BIRC6: variants seen among roughly 807,000 people sequenced by gnomAD.
BIRC6 encodes the protein dual E2 ubiquitin-conjugating enzyme/E3 ubiquitin-protein ligase BIRC6.
Under a neutral mutation model 503.3 loss-of-function variants are expected in BIRC6, and 98 were observed. That is an observed-to-expected ratio of 0.19 (90% CI 0.17 to 0.23). The LOEUF (loss-of-function observed/expected upper bound fraction) is 0.23, where lower values mean the gene tolerates loss of function less well. Ranked by LOEUF, BIRC6 falls within the 10% of genes least tolerant of loss-of-function variation. BIRC6 has a pLI of 1.00. For synonymous variants in BIRC6, 2,240 were observed against 2,078.7 expected, an observed-to-expected ratio of 1.08 and a Z score of -2.11; for missense variants, 5,360 against 5,806.0, an observed-to-expected ratio of 0.92 and a Z score of 2.50.
At chr2:32,472,871 A>G (rs758711069) in intron 32 of BIRC6, 78 of 315,418 alleles carry the variant, frequency 2.5e-4, no homozygotes, top group Middle Eastern at 1.8e-3. Context: ...ATCTAAATGA[A>G]AGATTGGAGA....
intron 21 of BIRC6, among the ~76,000 whole-genome samples, chr2:32,445,910 T>G (rs2045897760): frequency 6.6e-6 from 1 of 151,608 alleles, no homozygotes; most frequent in Non-Finnish European, 1.5e-5. Context: ...CAGGCTGGAG[T>G]GCAATGGTGT....
intron 24 of BIRC6, among the ~76,000 whole-genome samples, chr2:32,464,200 A>T (rs1039777530): frequency 1.3e-5 from 2 of 152,074 alleles, no homozygotes; most frequent in Non-Finnish European, 2.9e-5. Context: ...CAACATGAGA[A>T]TTCAACTCCT....
At chr2:32,617,305 G>T (rs1559166460) in intron 73 of BIRC6, among the ~76,000 whole-genome samples, 2 of 152,152 alleles carry the variant, frequency 1.3e-5, no homozygotes, top group Non-Finnish European at 2.9e-5. Flanking sequence ...GAAGGCTGAG[G>T]CAGAAGAATC....
In BIRC6 at chr2:32,607,557, C is replaced by A; in HGVS notation, c.14173C>A (p.Arg4725=). The A allele has an allele frequency of 6.2e-7, 1 of 1,613,646 alleles. No individual in the cohort carries two copies. The highest frequency in any genetic ancestry group is 1.1e-5 in the South Asian group (1 of 91,056). Residue 4725 remains arginine, a synonymous_variant, in exon 72 of 74, where the codon CGA becomes AGA. Transcript: ENST00000421745. ...RGTPSGTQSS[R]EYDGNIRQAT... ...CACTCCCAGTGGCACACAGAGTTCT[C>A]GAGAATATGATGGAAACATTCGACA... is the stretch of plus-strand genomic sequence containing the variant.
chr2:32,468,418 C>G lies in BIRC6; in HGVS notation c.5781-19C>G. ...AGGACATTACAAGAATTATTTTGTT[C>G]AATCTTTTTTTACTTTAGGTATAAC... On this transcript the variant is annotated intron_variant, in intron 28 of 73. Transcript: ENST00000421745. The G allele has an allele frequency of 1.3e-6, 2 of 1,521,030 alleles. No homozygotes were observed. Among genetic ancestry groups the G allele is most frequent in the Admixed American group, 4.2e-5 (2 of 47,158 alleles). The allele number at this position is 1,521,030 out of a possible 1,614,324, so 94.2% of individuals were successfully genotyped here.
rs375637621 is a variant in BIRC6 at position 32,430,930 on chromosome 2, C to T, written c.3088C>T (p.Arg1030Cys). Residue 1030 changes from arginine (R) to cysteine (C), a missense_variant, in exon 12 of 74, where the codon CGC (arginine) becomes TGC (cysteine). Physicochemically the swap from Arg to Cys is radical, Grantham distance 180. Around this residue, in one of 16 missense-constraint regions of BIRC6, gnomAD observed 700 missense variants for 739.3 expected, o/e 0.95. Transcript: ENST00000421745. ...CTTGACATCCCTAGTGGAGCTAACC[C>T]GCTTTGAGACTTTGACTCCAAGGTT... ...EILTSLVELTRFETLTPRFSA... is the reference protein window; with the variant it reads ...EILTSLVELTCFETLTPRFSA... 1.8e-5 allele frequency: 29 copies of T among 1,612,786 alleles called. No individual in the cohort carries two copies. Among genetic ancestry groups the T allele is most frequent in the Non-Finnish European group, 2.3e-5 (27 of 1,179,680 alleles).
chr2:32,442,496 A>G (rs986958740), intron 19 of BIRC6, 41 bp downstream of exon 19: 2 of 1,536,968 alleles, frequency 1.3e-6, no homozygotes, highest in Non-Finnish European at 1.8e-6. Flanking sequence ...TTCTAGGTAC[A>G]CCTGCAATTT....
intron 39 of BIRC6, among the ~76,000 whole-genome samples, chr2:32,484,783 A>G (rs2149250541): frequency 6.6e-6 from 1 of 152,142 alleles, no homozygotes. Context: ...CAGTCCTTCA[A>G]CCCCAGCCTT....
chr2:32,470,626 AC>A, intron 31 of BIRC6, among the ~76,000 whole-genome samples: 1 of 152,236 alleles, frequency 6.6e-6, no homozygotes, highest in Non-Finnish European at 1.5e-5. Flanking sequence ...GTTTGAACAC[AC>A]TTTTTTATAG....
At chr2:32,401,688 A>G (rs2040610126) in intron 8 of BIRC6, 65 bp downstream of exon 8, 14 of 1,384,764 alleles carry the variant, frequency 1.0e-5, no homozygotes, top group Non-Finnish European at 1.1e-5. Context: ...TTATATTCTC[A>G]TAGTTCTAAT....
intron 33 of BIRC6, among the ~76,000 whole-genome samples, chr2:32,474,760 T>A (rs1477497833): frequency 6.6e-6 from 1 of 152,218 alleles, no homozygotes; most frequent in Non-Finnish European, 1.5e-5. Context: ...CATACGTTAA[T>A]GGTAGAACTT....
chr2:32,495,176 AC>A (rs1294351760), intron 45 of BIRC6, among the ~76,000 whole-genome samples: 3 of 152,174 alleles, frequency 2.0e-5, no homozygotes, highest in African/African-American at 2.4e-5. Flanking sequence ...TTCATACTAA[AC>A]TTTTAATATA....
At chr2:32,534,730 CAAAAAAAAAAA>C (rs770672789) in intron 61 of BIRC6, among the ~76,000 whole-genome samples, 1,033 of 22,344 alleles carry the variant, frequency 0.046, 18 homozygotes, top group African/African-American at 0.13. Flanking sequence ...GACTCTGTCT[CAAAAAAAAAAA>C]AAAAAAAAAA....
At chr2:32,591,305 A>T (rs2061366011) in intron 66 of BIRC6, among the ~76,000 whole-genome samples, 1 of 152,172 alleles carries the variant, frequency 6.6e-6, no homozygotes, top group African/African-American at 2.4e-5. Flanking sequence ...GATGTAAAGA[A>T]TTTTTTTAAA....
At chr2:32,572,668 TAGTA>T (rs1474622877) in intron 65 of BIRC6, among the ~76,000 whole-genome samples, 4 of 152,184 alleles carry the variant, frequency 2.6e-5, no homozygotes, top group Non-Finnish European at 5.9e-5. Flanking sequence ...TATAAAATTA[TAGTA>T]AGTAGGATGT....
chr2:32,484,415 A>G (rs899849934), intron 39 of BIRC6, among the ~76,000 whole-genome samples: 3 of 152,068 alleles, frequency 2.0e-5, no homozygotes, highest in East Asian at 3.9e-4. Context: ...TTAGCCAGAC[A>G]TGGTGGCGGG....
intron 3 of BIRC6, among the ~76,000 whole-genome samples, chr2:32,383,694 G>A (rs2038027794): frequency 6.6e-6 from 1 of 152,070 alleles, no homozygotes; most frequent in African/African-American, 2.4e-5. Flanking sequence ...ACCACACCTG[G>A]CTAATTTTTT....
At chr2:32,518,794 T>A in intron 56 of BIRC6, 23 bp from the exon 57 acceptor site, 1 of 1,606,888 alleles carries the variant, frequency 6.2e-7, no homozygotes, top group Non-Finnish European at 8.5e-7. Flanking sequence ...ACTTCCTGAT[T>A]TCTTTGATTT....
intron 66 of BIRC6, among the ~76,000 whole-genome samples, chr2:32,577,262 A>T (rs1184255099): frequency 6.6e-6 from 1 of 152,142 alleles, no homozygotes; most frequent in Non-Finnish European, 1.5e-5. Flanking sequence ...TGAAACTGCC[A>T]TCATGTCTTT....
Sources: gnomAD v4.1 joint callset for allele counts (sites outside exome capture counted in the v4.1 genomes callset) on GRCh38, gnomAD v4.1.1 for gene constraint, gnomAD v4.1.1 regional missense constraint, MANE v1.5 for transcripts, NCBI Gene and HGNC (gene_info 2026-07-23, HGNC 2026-07-21) for gene names.